Variants in PTPRD observed in about 807,000 individuals in gnomAD.
PTPRD encodes protein tyrosine phosphatase receptor type D, also known as receptor-type tyrosine-protein phosphatase delta.
In PTPRD, 34 loss-of-function variants were observed where a neutral mutation model predicts 214.5. The observed-to-expected ratio is 0.16, with a 90% confidence interval of 0.12 to 0.21. The LOEUF (loss-of-function observed/expected upper bound fraction) is 0.21. PTPRD is among the 10% of genes least tolerant of loss of function. PTPRD has a pLI of 1.00. For synonymous variants in PTPRD, 1,128 were observed against 845.7 expected (o/e 1.33, Z -5.79); for missense variants, 2,545 against 2,398.7 (o/e 1.06, Z -1.27).
At chr9:8,970,060 T>C (rs773416201) in intron 11 of PTPRD, among the ~76,000 whole-genome samples, 2 of 151,874 alleles carry the variant, frequency 1.3e-5, no homozygotes, top group Non-Finnish European at 2.9e-5. Context: ...GTTAGGTACT[T>C]ATTCCACCCA....
intron 36 of PTPRD, among the ~76,000 whole-genome samples, chr9:8,398,423 T>G (rs914209848): frequency 6.6e-6 from 1 of 152,130 alleles, no homozygotes; most frequent in African/African-American, 2.4e-5. Flanking sequence ...GGTACTTACT[T>G]TTACTTATTA....
intron 2 of PTPRD, among the ~76,000 whole-genome samples, chr9:10,346,973 T>C (rs190131465): frequency 9.7e-4 from 147 of 152,322 alleles, no homozygotes; most frequent in African/African-American, 3.3e-3. Context: ...GTCATTACAA[T>C]AAACCAAATG....
rs145118177 is a variant in PTPRD, at chr9:10,367,453, G to A, written c.-599-26436C>T. Among the ~76,000 whole-genome samples, 715 of 152,194 alleles carry A rather than the reference G, an allele frequency of 4.7e-3. 4 individuals are homozygous for A. Among genetic ancestry groups the A allele is most frequent in the African/African-American group, 0.016 (652 of 41,538 alleles). ...CCGTTTGAGCCAACCACTGCCACTG[G>A]GTTGGTTTGCAGCTTTGTGGGGATA... On this transcript the variant is annotated intron_variant, in intron 2 of 45. Coordinates refer to ENST00000381196, the MANE Select transcript of PTPRD (RefSeq NM_002839.4).
chr9:9,792,431 C>T lies in PTPRD; in HGVS notation c.-367-25580G>A, dbSNP rs2098974523. Among the ~76,000 whole-genome samples the T allele has an allele frequency of 3.3e-5, 5 of 152,236 alleles. No individual in the cohort carries two copies. The South Asian group carries it at 1.0e-3, about 32-fold the overall frequency. On this transcript the variant is annotated intron_variant, in intron 5 of 45. Transcript: ENST00000381196. ...TTTAAGTGATCATTAAGACTTATAG[C>T]ACTCTTTTTTTGTACATTAGTGTAA...
chr9:9,196,717 G>T (rs572007652), intron 9 of PTPRD, among the ~76,000 whole-genome samples: 1 of 152,118 alleles, frequency 6.6e-6, no homozygotes, highest in Non-Finnish European at 1.5e-5. Flanking sequence ...CTTGTAATAT[G>T]TATGCAATAC....
rs148400433 is a variant in PTPRD, at chr9:9,760,050, C to T, written c.-326+6760G>A. 2.8e-3 allele frequency among the ~76,000 whole-genome samples: 421 copies of T among 152,250 alleles called. 4 individuals are homozygous for T. Among genetic ancestry groups the T allele is most frequent in the African/African-American group, 9.7e-3 (404 of 41,536 alleles). On this transcript the variant is annotated intron_variant, in intron 6 of 45. Coordinates refer to ENST00000381196, the MANE Select transcript of PTPRD (RefSeq NM_002839.4). ...ATTGCCAAGATTGTCTATCACTAGACATTCAAGATAATGGATTTTCCCTCT... is the reference window on the plus strand; with the variant it reads ...ATTGCCAAGATTGTCTATCACTAGATATTCAAGATAATGGATTTTCCCTCT...
rs533971641 is a variant in PTPRD at position 8,332,745 on chromosome 9, T to C, written c.5380-1009A>G. ...TGTTTATAGAAGCAGAAATAATACA[T>C]TGCCCATCAACCTTCTCCCCTGACT... On this transcript the variant is annotated intron_variant, in intron 43 of 45. Coordinates refer to ENST00000381196, the MANE Select transcript of PTPRD (RefSeq NM_002839.4). 2.6e-5 allele frequency among the ~76,000 whole-genome samples: 4 copies of C among 152,234 alleles called. No homozygotes were observed. In the East Asian group the frequency reaches 5.8e-4, roughly 22 times the overall value.
At chr9:9,934,694 GA>G (rs2088432771) in intron 5 of PTPRD, among the ~76,000 whole-genome samples, 1 of 151,124 alleles carries the variant, frequency 6.6e-6, no homozygotes, top group East Asian at 2.0e-4. Context: ...CCAATCAACA[GA>G]AAAAGAGGGA....
intron 39 of PTPRD, among the ~76,000 whole-genome samples, chr9:8,370,620 A>C (rs553456270): frequency 1.3e-5 from 2 of 152,248 alleles, no homozygotes; most frequent in South Asian, 4.1e-4. Flanking sequence ...TTGATTTAGA[A>C]AGAGTGAAAG....
chr9:8,793,828 T>C (rs919986510), intron 11 of PTPRD, among the ~76,000 whole-genome samples: 1 of 152,212 alleles, frequency 6.6e-6, no homozygotes. Context: ...ACTATGTATC[T>C]AGGTTTGTAT....
intron 7 of PTPRD, among the ~76,000 whole-genome samples, chr9:9,692,176 A>T (rs2803369): frequency 6.6e-6 from 1 of 151,228 alleles, no homozygotes; most frequent in South Asian, 2.1e-4. Context: ...TGCTTGTGGG[A>T]TATTCATGAA....
At position 9,960,344 on chromosome 9, in the gene PTPRD, G is replaced by A. The variant is rs111491184; in HGVS notation, c.-471-21734C>T. Among the ~76,000 whole-genome samples the A allele has an allele frequency of 8.7e-3, 1,330 of 152,144 alleles. 11 individuals carry two copies. Among genetic ancestry groups the A allele is most frequent in the Non-Finnish European group, 0.014 (954 of 68,004 alleles). ...AGAGGTGATGAGGAAAACAACCCACGTAGAATAATTCTAAATAATGTATGT... is the reference window on the plus strand; with the variant it reads ...AGAGGTGATGAGGAAAACAACCCACATAGAATAATTCTAAATAATGTATGT... On this transcript the variant is annotated intron_variant, in intron 4 of 45. Transcript: ENST00000381196.
intron 30 of PTPRD, among the ~76,000 whole-genome samples, chr9:8,481,604 T>TA (rs2096887446): frequency 6.6e-6 from 1 of 152,196 alleles, no homozygotes; most frequent in Non-Finnish European, 1.5e-5. Flanking sequence ...GTTCTCCTGT[T>TA]AGATTTCTAA....
rs535471822 is a variant in PTPRD, at chr9:8,777,110, G to A, written c.-103-43164C>T. 1.1e-3 allele frequency among the ~76,000 whole-genome samples: 171 copies of A among 151,884 alleles called. 1 individual carries two copies. The highest frequency in any genetic ancestry group is 4.0e-3 in the African/African-American group (165 of 41,466). On this transcript the variant is annotated intron_variant, in intron 11 of 45. Transcript: ENST00000381196. ...ATCTTCCACCTCAGCCTCCCAAGTA[G>A]CTGGAACTACAGGTGCGTGCCACCG...
At chr9:10,454,634 C>T (rs2098891222) in intron 2 of PTPRD, among the ~76,000 whole-genome samples, 1 of 151,648 alleles carries the variant, frequency 6.6e-6, no homozygotes, top group Non-Finnish European at 1.5e-5. Context: ...TCCCATAGTT[C>T]TTGCATCAGA....
At chr9:10,412,465 T>C (rs1273365324) in intron 2 of PTPRD, among the ~76,000 whole-genome samples, 2 of 151,752 alleles carry the variant, frequency 1.3e-5, no homozygotes, top group Non-Finnish European at 1.5e-5. Context: ...AGATGTAGTA[T>C]TCATAGCCAA....
intron 2 of PTPRD, among the ~76,000 whole-genome samples, chr9:10,491,524 C>T (rs548227178): frequency 6.6e-6 from 1 of 151,222 alleles, no homozygotes; most frequent in East Asian, 1.9e-4. Context: ...TGCATGCCTA[C>T]AAGATGAACA....
At chr9:10,489,451 C>G (rs1294672336) in intron 2 of PTPRD, among the ~76,000 whole-genome samples, 1 of 152,158 alleles carries the variant, frequency 6.6e-6, no homozygotes, top group Admixed American at 6.6e-5. Flanking sequence ...ACAGCAATCC[C>G]TTAGCTGACC....
chr9:10,261,096 T>G (rs2498624), intron 3 of PTPRD, among the ~76,000 whole-genome samples: 77,654 of 146,082 alleles, frequency 0.53, 22,194 homozygotes, highest in African/African-American at 0.76. Context: ...TATATATATA[T>G]AGAGAGAGAG....
Sources: gnomAD v4.1 joint callset for allele counts (sites outside exome capture counted in the v4.1 genomes callset) on GRCh38, gnomAD v4.1.1 for gene constraint, MANE v1.5 for transcripts, NCBI Gene and HGNC (gene_info 2026-07-23, HGNC 2026-07-21) for gene names.